The following HHIP variants were observed in gnomAD, a reference collection of about 807,000 sequenced individuals.
The protein encoded by HHIP is hedgehog interacting protein.
HHIP carries 12 observed loss-of-function variants against 74.0 expected under a neutral mutation model. That is an observed-to-expected ratio of 0.16 (90% CI 0.10 to 0.26). The LOEUF is 0.26. Ranked by LOEUF, HHIP falls within the 10% of genes least tolerant of loss-of-function variation. HHIP has a pLI of 1.00. For synonymous variants in HHIP, 309 were observed against 311.6 expected, an observed-to-expected ratio of 0.99 and a Z score of 0.09; for missense variants, 788 against 845.0, an observed-to-expected ratio of 0.93 and a Z score of 0.84.
intron 4 of HHIP, among the ~76,000 whole-genome samples, chr4:144,696,782 T>C (rs1192831710): frequency 6.6e-6 from 1 of 151,936 alleles, no homozygotes; most frequent in Admixed American, 6.6e-5. Flanking sequence ...AGAATATTGC[T>C]TGAAAATCAC....
chr4:144,717,751 TTC>T (rs373121047), intron 10 of HHIP, among the ~76,000 whole-genome samples: 13 of 149,342 alleles, frequency 8.7e-5, no homozygotes, highest in East Asian at 2.0e-4. Flanking sequence ...CTCTCTCTCT[TTC>T]TCTCTCTCTC....
intron 11 of HHIP, among the ~76,000 whole-genome samples, chr4:144,734,289 A>T (rs1731046265): frequency 6.6e-6 from 1 of 151,984 alleles, no homozygotes. Context: ...CATTTTGATG[A>T]ATGCCTTCAG....
intron 11 of HHIP, among the ~76,000 whole-genome samples, chr4:144,726,963 C>A (rs1730824964): frequency 1.3e-5 from 2 of 152,330 alleles, no homozygotes; most frequent in South Asian, 4.1e-4. Context: ...TTGCTGGTTG[C>A]CCAAACTTTC....
intron 7 of HHIP, among the ~76,000 whole-genome samples, chr4:144,710,387 G>A (rs1435166982): frequency 2.6e-5 from 4 of 152,184 alleles, no homozygotes; most frequent in Admixed American, 1.3e-4. Context: ...TGTTGCCACA[G>A]AACAACTAAC....
chr4:144,711,989 T>C lies in HHIP; in HGVS notation c.1341T>C (p.Asn447=). 2 of 1,612,082 alleles carry C rather than the reference T, an allele frequency of 1.2e-6. No individual in the cohort carries two copies. The highest frequency in any genetic ancestry group is 4.5e-5 in the East Asian group (2 of 44,858). ...GACATCCCACTGATATAAACATCAA[T>C]TTAACGATACTGTGTTCAGACTCCA... ...VDRHPTDINI[N]LTILCSDSNG... The change falls in exon 8 of 13, where the codon AAT becomes AAC. Residue 447 remains asparagine, a synonymous_variant. Transcript: ENST00000296575.
chr4:144,735,704 A>G (rs529399603), intron 12 of HHIP, among the ~76,000 whole-genome samples: 1 of 152,302 alleles, frequency 6.6e-6, no homozygotes, highest in African/African-American at 2.4e-5. Context: ...GAAAATTAAA[A>G]CCTCAAATTA....
At chr4:144,654,326 T>C (rs1728504090) in intron 2 of HHIP, among the ~76,000 whole-genome samples, 1 of 152,036 alleles carries the variant, frequency 6.6e-6, no homozygotes, top group Non-Finnish European at 1.5e-5. Context: ...TTCTACAAAG[T>C]TTGTATATAT....
chr4:144,706,432 A>T (rs1050483789), intron 4 of HHIP, 99 bp from the exon 5 acceptor site: 1 of 986,784 alleles, frequency 1.0e-6, no homozygotes, highest in Non-Finnish European at 1.5e-6. Context: ...GGCAAAGATT[A>T]TCCAAAAGAA....
In HHIP at chr4:144,737,992, G is replaced by A. The variant is rs745526989; in HGVS notation, c.*35G>A. The stretch of plus-strand genomic sequence containing the variant: ...CTGTTTGAATATTCTATTCCAATGG[G>A]CATTTATTTTTTATCCTGTCATTAA... On this transcript the variant is annotated 3_prime_UTR_variant, in exon 13 of 13. Coordinates refer to ENST00000296575, the MANE Select transcript of HHIP (RefSeq NM_022475.3). 2 of 1,439,068 alleles carry A rather than the reference G, an allele frequency of 1.4e-6. No individual in the cohort carries two copies. Among genetic ancestry groups the A allele is most frequent in the Non-Finnish European group, 1.8e-6 (2 of 1,091,872 alleles). 89.1% of individuals were successfully genotyped at this position (1,439,068 alleles called of 1,614,324 possible). A position where few individuals can be genotyped will look rare whatever the true frequency, so the allele number is the denominator to read the frequency against.
intron 4 of HHIP, among the ~76,000 whole-genome samples, chr4:144,693,441 G>A (rs2126637528): frequency 6.6e-6 from 1 of 152,068 alleles, no homozygotes; most frequent in South Asian, 2.1e-4. Flanking sequence ...AAAATTATAA[G>A]GAACAGAGCT....
chr4:144,725,204 G>T (rs1015498359), intron 11 of HHIP, among the ~76,000 whole-genome samples: 3 of 152,144 alleles, frequency 2.0e-5, no homozygotes, highest in African/African-American at 7.2e-5. Context: ...TTTTTGAAAA[G>T]ATGTTTTCTA....
chr4:144,671,926 G>A (rs1230231878), intron 4 of HHIP, among the ~76,000 whole-genome samples: 2 of 152,170 alleles, frequency 1.3e-5, no homozygotes, highest in African/African-American at 4.8e-5. Context: ...AGAGGTTGCA[G>A]TGAGCCGAGA....
At chr4:144,727,142 G>T (rs1363058697) in intron 11 of HHIP, among the ~76,000 whole-genome samples, 8 of 152,194 alleles carry the variant, frequency 5.3e-5, no homozygotes, top group Admixed American at 2.6e-4. Flanking sequence ...GATCGTACTG[G>T]AGGAAATCCA....
intron 4 of HHIP, among the ~76,000 whole-genome samples, chr4:144,696,141 AG>A (rs1729811919): frequency 6.6e-6 from 1 of 151,936 alleles, no homozygotes; most frequent in African/African-American, 2.4e-5. Context: ...GAGCTCATTA[AG>A]TAATTTTACA....
At chr4:144,717,231 A>C (rs1315839588) in intron 10 of HHIP, among the ~76,000 whole-genome samples, 1 of 152,232 alleles carries the variant, frequency 6.6e-6, no homozygotes, top group Non-Finnish European at 1.5e-5. Context: ...GCACCTTTTG[A>C]AATAAAAGTA....
intron 4 of HHIP, among the ~76,000 whole-genome samples, chr4:144,693,382 T>C (rs1459311463): frequency 6.6e-6 from 1 of 152,120 alleles, no homozygotes; most frequent in Non-Finnish European, 1.5e-5. Flanking sequence ...TTCTGTCCTT[T>C]GATCCAAAAT....
rs546627368 is a variant in HHIP at position 144,688,973 on chromosome 4, C to T, written c.832-17558C>T. 3.2e-3 allele frequency among the ~76,000 whole-genome samples: 481 copies of T among 152,242 alleles called. 4 individuals are homozygous for T. Among genetic ancestry groups the T allele is most frequent in the African/African-American group, 0.011 (458 of 41,548 alleles). ...ACCAGTAGGAAGATATCATTTACAG[C>T]GTGTTCTAGACACTGAAACCATTTC... On this transcript the variant is annotated intron_variant, in intron 4 of 12. Transcript: ENST00000296575.
chr4:144,705,016 A>C (rs1730093395), intron 4 of HHIP, among the ~76,000 whole-genome samples: 1 of 152,258 alleles, frequency 6.6e-6, no homozygotes, highest in South Asian at 2.1e-4. Flanking sequence ...CTTTATGATT[A>C]AAATTAAAAT....
chr4:144,713,585 A>C (rs1035379576), intron 8 of HHIP, among the ~76,000 whole-genome samples: 3 of 152,148 alleles, frequency 2.0e-5, no homozygotes, highest in Non-Finnish European at 4.4e-5. Context: ...AATGGCCTGC[A>C]CAGAAAGATA....
Sources: allele counts gnomAD v4.1 joint callset (sites outside exome capture counted in the v4.1 genomes callset), GRCh38; gene constraint gnomAD v4.1.1; transcripts MANE v1.5; gene names NCBI Gene and HGNC (gene_info 2026-07-23, HGNC 2026-07-21).